GOLGA7: variants seen among roughly 807,000 people sequenced by gnomAD.
GOLGA7 encodes the protein golgin subfamily A member 7.
A neutral mutation model predicts 21.1 loss-of-function variants in GOLGA7; 10 were observed. The observed-to-expected ratio is 0.47, with a 90% CI of 0.29 to 0.80. The LOEUF (loss-of-function observed/expected upper bound fraction) is 0.80, where lower values mean the gene tolerates loss of function less well. Ranked by LOEUF, GOLGA7 falls within the 30% of genes least tolerant of loss-of-function variation. GOLGA7 has a pLI of 0.08. For missense variants in GOLGA7, 114 were observed against 166.8 expected, an observed-to-expected ratio of 0.68 and a Z score of 1.74; for synonymous variants, 64 against 62.6, an observed-to-expected ratio of 1.02 and a Z score of -0.10.
At chr8:41,504,625 T>C (rs1806238548) in intron 2 of GOLGA7, among the ~76,000 whole-genome samples, 1 of 152,210 alleles carries the variant, frequency 6.6e-6, no homozygotes, top group Non-Finnish European at 1.5e-5. Context: ...TCCTAATTTA[T>C]TACGTAAGAA....
Position 41,490,813 on chromosome 8 carries a change from G to A in GOLGA7, c.-42G>A. 2.6e-6 allele frequency: 3 copies of A among 1,161,776 alleles called. No individual in the cohort carries two copies. Among genetic ancestry groups the A allele is most frequent in the South Asian group, 1.3e-5 (1 of 76,066 alleles). The allele number at this position is 1,161,776 out of a possible 1,614,324, so 72.0% of individuals were successfully genotyped here. ...AGGCCGGGGCTCTGACTCGCGGTTG[G>A]TGTTCCCCCGACCCCGCAGCGCGGG... On this transcript the variant is annotated 5_prime_UTR_variant, in exon 1 of 5. In the 5' UTR this introduces an upstream ATG that the reference lacks. Coordinates refer to ENST00000357743, the MANE Select transcript of GOLGA7 (RefSeq NM_001002296.2).
intron 2 of GOLGA7, among the ~76,000 whole-genome samples, chr8:41,505,390 T>C (rs1241948980): frequency 2.6e-5 from 4 of 152,242 alleles, no homozygotes; most frequent in Admixed American, 2.6e-4. Flanking sequence ...TTCTTAGTTT[T>C]GAAATAATGG....
chr8:41,498,885 T>C (rs1806083528), intron 2 of GOLGA7, among the ~76,000 whole-genome samples: 2 of 152,172 alleles, frequency 1.3e-5, no homozygotes, highest in South Asian at 4.1e-4. Flanking sequence ...CCCTGGTATA[T>C]CACTAAATTC....
At chr8:41,491,868 C>T (rs1276499823) in intron 1 of GOLGA7, among the ~76,000 whole-genome samples, 2 of 152,092 alleles carry the variant, frequency 1.3e-5, no homozygotes, top group African/African-American at 2.4e-5. Context: ...GTGGCTCTCT[C>T]CTCTGTGACA....
At chr8:41,508,168 T>G (rs1806334850) in intron 4 of GOLGA7, among the ~76,000 whole-genome samples, 1 of 152,216 alleles carries the variant, frequency 6.6e-6, no homozygotes, top group Non-Finnish European at 1.5e-5. Context: ...TACACCGTAC[T>G]TCCTCTCAGT....
chr8:41,504,589 AC>A (rs1309467052), intron 2 of GOLGA7, among the ~76,000 whole-genome samples: 2 of 152,238 alleles, frequency 1.3e-5, no homozygotes, highest in African/African-American at 4.8e-5. Flanking sequence ...GATGAAAAAA[AC>A]AAATCTTTTA....
At chr8:41,496,168 G>T (rs1806008318) in intron 1 of GOLGA7, among the ~76,000 whole-genome samples, 1 of 152,146 alleles carries the variant, frequency 6.6e-6, no homozygotes, top group African/African-American at 2.4e-5. Flanking sequence ...CAAAGTGTGT[G>T]TACACTGAAC....
intron 1 of GOLGA7, among the ~76,000 whole-genome samples, chr8:41,496,766 T>C (rs1176424865): frequency 6.6e-6 from 1 of 151,554 alleles, no homozygotes; most frequent in Non-Finnish European, 1.5e-5. Context: ...CACTAGGCTT[T>C]ATATTTGCCT....
At chr8:41,499,527 C>T (rs944858826) in intron 2 of GOLGA7, among the ~76,000 whole-genome samples, 4 of 152,118 alleles carry the variant, frequency 2.6e-5, no homozygotes, top group African/African-American at 9.7e-5. Flanking sequence ...TGGAGTCAGG[C>T]CGCTCGATGA....
Position 41,510,290 on chromosome 8 carries a change from A to G in GOLGA7, c.*722A>G, listed in dbSNP as rs1215534948. On this transcript the variant is annotated 3_prime_UTR_variant, in exon 5 of 5. Coordinates refer to ENST00000357743, the MANE Select transcript of GOLGA7 (RefSeq NM_001002296.2). Reference sequence around the variant, plus strand: ...CCATTACCTTGAATGTTGGAAAGATATGATACGTGCTGCTTGTTCATCACA... The same window carrying G: ...CCATTACCTTGAATGTTGGAAAGATGTGATACGTGCTGCTTGTTCATCACA... The G allele has an allele frequency of 6.6e-6, 1 of 152,658 alleles. No homozygotes were observed. Among genetic ancestry groups the G allele is most frequent in the East Asian group, 1.9e-4 (1 of 5,206 alleles). The allele number at this position is 152,658 out of a possible 1,614,324, so 9.5% of individuals were successfully genotyped here.
intron 1 of GOLGA7, among the ~76,000 whole-genome samples, chr8:41,494,573 C>T (rs968840762): frequency 3.3e-5 from 5 of 152,148 alleles, no homozygotes; most frequent in Non-Finnish European, 4.4e-5. Context: ...GTTTGCTGAG[C>T]TCTCCTCAGT....
At chr8:41,491,015 C>T (rs3780023) in intron 1 of GOLGA7, 50 bp downstream of exon 1, 146,674 of 1,072,770 alleles carry the variant, frequency 0.14, 12,051 homozygotes, top group African/African-American at 0.27. Flanking sequence ...GAGAGACTCA[C>T]CGGGGACGGG....
chr8:41,490,872 G>A lies in GOLGA7; in HGVS notation c.18G>A (p.Ala6=), dbSNP rs777664990. ...TCCTCGCCATGAGGCCGCAGCAGGCGCCGGTGTCCGGAAAGGTGTTCATTC... is the reference window on the plus strand; with the variant it reads ...TCCTCGCCATGAGGCCGCAGCAGGCACCGGTGTCCGGAAAGGTGTTCATTC... MRPQQ[A]PVSGKVFIQR... Residue 6 remains alanine (A), a synonymous_variant, in exon 1 of 5, where the codon GCG becomes GCA. Coordinates refer to ENST00000357743, the MANE Select transcript of GOLGA7 (RefSeq NM_001002296.2). 1.9e-6 allele frequency: 3 copies of A among 1,596,700 alleles called. No individual in the cohort carries two copies. Among genetic ancestry groups the A allele is most frequent in the South Asian group, 1.1e-5 (1 of 88,516 alleles).
intron 2 of GOLGA7, among the ~76,000 whole-genome samples, chr8:41,498,988 G>GT (rs1447594276): frequency 6.6e-6 from 1 of 152,202 alleles, no homozygotes; most frequent in Non-Finnish European, 1.5e-5. Flanking sequence ...AGTGCATATA[G>GT]TTGCAGCTAA....
chr8:41,497,762 TA>T, intron 2 of GOLGA7, 101 bp downstream of exon 2: 1 of 656,724 alleles, frequency 1.5e-6, no homozygotes, highest in South Asian at 1.9e-5. Context: ...GTAAAATATT[TA>T]GGGGCATTTA....
chr8:41,498,494 A>G (rs1271861164), intron 2 of GOLGA7, among the ~76,000 whole-genome samples: 2 of 152,046 alleles, frequency 1.3e-5, no homozygotes, highest in African/African-American at 2.4e-5. Flanking sequence ...CCCTCAGCCA[A>G]ACTCCATCCC....
chr8:41,504,471 T>C (rs1806233862), intron 2 of GOLGA7, among the ~76,000 whole-genome samples: 1 of 152,156 alleles, frequency 6.6e-6, no homozygotes, highest in Non-Finnish European at 1.5e-5. Context: ...AACTCTGATG[T>C]GAAGATAGTG....
intron 2 of GOLGA7, among the ~76,000 whole-genome samples, chr8:41,500,267 G>A (rs1563417635): frequency 1.3e-5 from 2 of 152,160 alleles, no homozygotes; most frequent in African/African-American, 2.4e-5. Context: ...AATAATAAGC[G>A]GGACCTAATC....
At chr8:41,508,082 A>G (rs78636725) in intron 4 of GOLGA7, among the ~76,000 whole-genome samples, 1 of 152,224 alleles carries the variant, frequency 6.6e-6, no homozygotes, top group African/African-American at 2.4e-5. Flanking sequence ...AGATTAAATG[A>G]TGTTCTCACA....
Sources: gnomAD v4.1 joint callset for allele counts (sites outside exome capture counted in the v4.1 genomes callset) on GRCh38, gnomAD v4.1.1 for gene constraint, MANE v1.5 for transcripts, NCBI Gene and HGNC (gene_info 2026-07-23, HGNC 2026-07-21) for gene names.